SLC12A6: variants seen among roughly 807,000 people sequenced by gnomAD.
SLC12A6 encodes the protein solute carrier family 12 member 6.
In SLC12A6, 66 loss-of-function variants were observed where a neutral mutation model predicts 135.3. The observed-to-expected ratio is 0.49, with a 90% confidence interval of 0.40 to 0.60. The LOEUF is 0.60. Ranked by LOEUF, SLC12A6 falls within the 20% of genes least tolerant of loss-of-function variation. The pLI is 0.00. For missense variants in SLC12A6, 1,058 were observed against 1,452.3 expected, an observed-to-expected ratio of 0.73 and a Z score of 4.41; for synonymous variants, 513 against 508.8, an observed-to-expected ratio of 1.01 and a Z score of -0.11.
chr15:34,255,843 C>T (rs1035941024), intron 7 of SLC12A6, among the ~76,000 whole-genome samples: 1 of 151,736 alleles, frequency 6.6e-6, no homozygotes, highest in Admixed American at 6.6e-5. Context: ...GTGGTGTACA[C>T]CTCTAGTTCC....
At chr15:34,306,369 C>T (rs147991707) in intron 2 of SLC12A6, among the ~76,000 whole-genome samples, 153 of 152,304 alleles carry the variant, frequency 1.0e-3, no homozygotes, top group African/African-American at 3.5e-3. Context: ...AGATCTCAGA[C>T]CCATGGCTCT....
intron 2 of SLC12A6, among the ~76,000 whole-genome samples, chr15:34,316,096 C>T (rs1566865417): frequency 6.7e-6 from 1 of 149,210 alleles, no homozygotes; most frequent in African/African-American, 2.4e-5. Context: ...AATTCCTCAT[C>T]TGTCCCGTTC....
chr15:34,245,686 C>A lies in SLC12A6; in HGVS notation c.1824+7G>T, dbSNP rs1891933862. 5.0e-6 allele frequency: 8 copies of A among 1,609,040 alleles called. No individual in the cohort carries two copies. Among genetic ancestry groups the A allele is most frequent in the South Asian group, 2.2e-5 (2 of 90,948 alleles). On this transcript the variant is annotated splice_region_variant and intron_variant, in intron 14 of 25. Coordinates refer to ENST00000354181, the MANE Select transcript of SLC12A6 (RefSeq NM_001365088.1). ...AAAAGAAGAGGGCATAATAAAAGGT[C>A]ACTCACCCTCAGAAACGGTATGATG...
intron 2 of SLC12A6, 107 bp downstream of exon 2, chr15:34,336,303 C>G: frequency 2.1e-6 from 2 of 930,660 alleles, no homozygotes; most frequent in Middle Eastern, 3.0e-4. Context: ...TTCCTGATGA[C>G]TATTATAATC....
At chr15:34,333,282 T>C (rs1035972658) in intron 2 of SLC12A6, among the ~76,000 whole-genome samples, 20 of 149,196 alleles carry the variant, frequency 1.3e-4, no homozygotes, top group African/African-American at 4.5e-4. Flanking sequence ...CAGGCTGGAG[T>C]GCAGCGGCGT....
At chr15:34,323,021 TAAAAG>T (rs1043225516) in intron 2 of SLC12A6, among the ~76,000 whole-genome samples, 11 of 81,234 alleles carry the variant, frequency 1.4e-4, no homozygotes, top group African/African-American at 4.7e-4. Flanking sequence ...AAGAAAAAAA[TAAAAG>T]AAAATTTTCA....
chr15:34,235,236 C>T lies in SLC12A6; in HGVS notation c.3306G>A (p.Lys1102=), dbSNP rs776625055. 1.3e-5 allele frequency: 21 copies of T among 1,613,752 alleles called. No individual in the cohort carries two copies. The Admixed American group carries it at 3.5e-4, about 27-fold the overall frequency. ...EVIVNKSHEA[K]LVLLNMPGPP... The stretch of plus-strand genomic sequence containing the variant: ...GCCCTGGCATATTCAATAAAACCAG[C>T]TTTGCTTCATGGGACTTGTTAACTA... The change falls in exon 25 of 26, where the codon AAG becomes AAA. Residue 1102 remains lysine, a synonymous_variant. Coordinates refer to ENST00000354181, the MANE Select transcript of SLC12A6 (RefSeq NM_001365088.1).
At chr15:34,319,697 G>A (rs1353864158) in intron 2 of SLC12A6, among the ~76,000 whole-genome samples, 1 of 151,854 alleles carries the variant, frequency 6.6e-6, no homozygotes, top group Non-Finnish European at 1.5e-5. Context: ...TGCTCAGGAA[G>A]CTGACACAGG....
chr15:34,294,775 C>G (rs371304249), intron 2 of SLC12A6, among the ~76,000 whole-genome samples: 2 of 152,014 alleles, frequency 1.3e-5, no homozygotes, highest in African/African-American at 4.8e-5. Context: ...AGGCTGGTCT[C>G]TAACTTGTGG....
chr15:34,282,795 G>A (rs1461746407), intron 2 of SLC12A6, among the ~76,000 whole-genome samples: 1 of 152,130 alleles, frequency 6.6e-6, no homozygotes, highest in East Asian at 1.9e-4. Context: ...AACAGTCATG[G>A]GGTATTTGTT....
chr15:34,326,520 T>C (rs1268691583), intron 2 of SLC12A6, among the ~76,000 whole-genome samples: 1 of 152,170 alleles, frequency 6.6e-6, no homozygotes, highest in Non-Finnish European at 1.5e-5. Flanking sequence ...TCATTAGCTT[T>C]AGGACAGAAT....
intron 3 of SLC12A6, among the ~76,000 whole-genome samples, chr15:34,273,979 G>A (rs1894131184): frequency 6.6e-6 from 1 of 151,840 alleles, no homozygotes; most frequent in African/African-American, 2.4e-5. Flanking sequence ...TTTGAGTAAG[G>A]AATTCCACTG....
chr15:34,285,832 A>C (rs545794178), intron 2 of SLC12A6, among the ~76,000 whole-genome samples: 1 of 152,154 alleles, frequency 6.6e-6, no homozygotes, highest in East Asian at 1.9e-4. Flanking sequence ...TAGTCATACA[A>C]AGGCAAATAC....
At chr15:34,304,340 C>A (rs888729591) in intron 2 of SLC12A6, among the ~76,000 whole-genome samples, 2 of 152,166 alleles carry the variant, frequency 1.3e-5, no homozygotes, top group African/African-American at 4.8e-5. Context: ...TGGGCTGTTA[C>A]TTCTTTATTA....
At chr15:34,248,120 G>C (rs1892127289) in intron 13 of SLC12A6, among the ~76,000 whole-genome samples, 1 of 152,060 alleles carries the variant, frequency 6.6e-6, no homozygotes, top group South Asian at 2.1e-4. Flanking sequence ...ATTTTTTTGG[G>C]GGGAGGTGTA....
intron 16 of SLC12A6, among the ~76,000 whole-genome samples, chr15:34,243,570 A>G (rs929832424): frequency 2.6e-4 from 40 of 152,224 alleles, no homozygotes; most frequent in Admixed American, 2.5e-3. Flanking sequence ...TTACAAATGA[A>G]TAAAATTAAA....
intron 2 of SLC12A6, among the ~76,000 whole-genome samples, chr15:34,280,442 T>C: frequency 6.6e-6 from 1 of 152,158 alleles, no homozygotes; most frequent in East Asian, 1.9e-4. Context: ...AAATGACTAG[T>C]CTTAACACGT....
At chr15:34,235,073 A>C in intron 25 of SLC12A6, 108 bp downstream of exon 25, 9 of 1,059,518 alleles carry the variant, frequency 8.5e-6, no homozygotes, top group Admixed American at 1.7e-5. Flanking sequence ...TCCCTTCCTT[A>C]AAGAGGGAAA....
chr15:34,265,731 G>A (rs1168552136), intron 3 of SLC12A6, among the ~76,000 whole-genome samples: 1 of 152,204 alleles, frequency 6.6e-6, no homozygotes, highest in Non-Finnish European at 1.5e-5. Context: ...TAAGCTGGCT[G>A]CAGCACACTC....
Sources: allele counts gnomAD v4.1 joint callset (sites outside exome capture counted in the v4.1 genomes callset), GRCh38; gene constraint gnomAD v4.1.1; transcripts MANE v1.5; gene names NCBI Gene and HGNC (gene_info 2026-07-23, HGNC 2026-07-21).